The following PDYN variants were observed in gnomAD, a reference collection of about 807,000 sequenced individuals.
PDYN encodes prodynorphin, also known as proenkephalin-B.
PDYN carries 5 observed loss-of-function variants against 11.4 expected under a neutral mutation model. The observed-to-expected ratio is 0.44, with a 90% confidence interval of 0.23 to 0.92. The LOEUF (loss-of-function observed/expected upper bound fraction) is 0.92. Among genes scored for constraint, PDYN ranks in the 40% least tolerant of loss-of-function variants. The pLI is 0.24. For synonymous variants in PDYN, 132 were observed against 129.5 expected, an observed-to-expected ratio of 1.02 and a Z score of -0.13; for missense variants, 337 against 317.3, an observed-to-expected ratio of 1.06 and a Z score of -0.47.
intron 2 of PDYN, among the ~76,000 whole-genome samples, chr20:1,989,689 C>A (rs1357287490): frequency 2.0e-5 from 3 of 152,162 alleles, no homozygotes; most frequent in African/African-American, 7.2e-5. Flanking sequence ...CATATGATTA[C>A]CCCTATTTGA....
At chr20:1,987,231 A>T (rs8124319) in intron 2 of PDYN, among the ~76,000 whole-genome samples, 8,027 of 145,322 alleles carry the variant, frequency 0.055, 748 homozygotes, top group African/African-American at 0.2. Context: ...TGGAAGACTA[A>T]GGAAGTTTGA....
chr20:1,980,957 A>G lies in PDYN; in HGVS notation c.131T>C (p.Ile44Thr), dbSNP rs1987737377. ...QDGPKPINPL[I>T]CSLQCQAALL... is the part of the protein sequence containing the mutation. ...GGCAGCCTGGCATTGCAGGGAGCAA[A>G]TCTGCAAAAGACCCAAAAAGACCAC... The change falls in exon 4 of 4, where the codon ATT becomes ACT. Residue 44 changes from isoleucine to threonine, a missense_variant and splice_region_variant. Ile to Thr is a moderately conservative substitution (Grantham distance 89, BLOSUM62 -1). Transcript: ENST00000217305. 1 of 1,613,770 alleles carries G rather than the reference A, an allele frequency of 6.2e-7. No individual in the cohort carries two copies. The highest frequency in any genetic ancestry group is 1.3e-5 in the African/African-American group (1 of 74,914).
At chr20:1,982,795 G>C (rs552734014) in intron 3 of PDYN, among the ~76,000 whole-genome samples, 161 bp downstream of exon 3, 2 of 152,222 alleles carry the variant, frequency 1.3e-5, no homozygotes, top group African/African-American at 4.8e-5. Flanking sequence ...AGCAGCCCCT[G>C]GTGTCCAGGC....
At chr20:1,983,957 T>G (rs75618045) in intron 2 of PDYN, among the ~76,000 whole-genome samples, 2,745 of 152,182 alleles carry the variant, frequency 0.018, 72 homozygotes, top group African/African-American at 0.06. Context: ...GGAGAACCCT[T>G]CATCTCCTAT....
rs1213688381 is a variant in PDYN, at chr20:1,983,055, G to A, written c.30C>T (p.Ala10=). 1 of 1,613,608 alleles carries A rather than the reference G, an allele frequency of 6.2e-7. No homozygotes were observed. The highest frequency in any genetic ancestry group is 2.2e-5 in the East Asian group (1 of 44,880). Residue 10 remains alanine (A), a synonymous_variant, in exon 3 of 4, where the codon GCC becomes GCT. Transcript: ENST00000217305. ...TGGTGGAGGGGAACATGAGGAGGCA[G>A]GCAGCCAGGACCAGCCCCTGCCAGG... MAWQGLVLA[A]CLLMFPSTTA...
intron 3 of PDYN, 145 bp downstream of exon 3, chr20:1,982,811 A>T (rs1568539039): frequency 5.1e-6 from 4 of 790,236 alleles, no homozygotes; most frequent in African/African-American, 3.4e-5. Context: ...CAGGCCATCT[A>T]TAGGGCAGGA....
At chr20:1,991,127 T>C (rs1600533354) in intron 2 of PDYN, among the ~76,000 whole-genome samples, 1 of 152,076 alleles carries the variant, frequency 6.6e-6, no homozygotes, top group South Asian at 2.1e-4. Context: ...ACCGTGTGAA[T>C]CACAAACACC....
At position 1,983,025 on chromosome 20, in the gene PDYN, C is replaced by T. The variant is rs761483993; in HGVS notation, c.60G>A (p.Ala20=). The T allele has an allele frequency of 3.2e-5, 52 of 1,613,878 alleles. No homozygotes were observed. Among genetic ancestry groups the T allele is most frequent in the East Asian group, 2.0e-4 (9 of 44,892 alleles). The change falls in exon 3 of 4, where the codon GCG becomes GCA. Residue 20 remains alanine, a synonymous_variant. Coordinates refer to ENST00000217305, the MANE Select transcript of PDYN (RefSeq NM_024411.5). ...ACLLMFPSTT[A]DCLSRCSLCA... Reference sequence around the variant, plus strand: ...ACAAGGAGCACCGCGACAGGCAGTCCGCTGTGGTGGAGGGGAACATGAGGA... The same window carrying T: ...ACAAGGAGCACCGCGACAGGCAGTCTGCTGTGGTGGAGGGGAACATGAGGA...
At chr20:1,990,906 C>T (rs1366125712) in intron 2 of PDYN, among the ~76,000 whole-genome samples, 1 of 147,946 alleles carries the variant, frequency 6.8e-6, no homozygotes, top group Non-Finnish European at 1.5e-5. Context: ...GAAAAAGAGA[C>T]CGAGACACCG....
intron 3 of PDYN, among the ~76,000 whole-genome samples, chr20:1,982,347 G>T (rs535202994): frequency 6.6e-6 from 1 of 152,282 alleles, no homozygotes; most frequent in East Asian, 1.9e-4. Context: ...CTTAGAGAGG[G>T]AGTTCCAAGG....
rs920178048 is a variant in PDYN, at chr20:1,980,038, A to ACTG, written c.*282_*284dup. 77 of 488,352 alleles carry ACTG rather than the reference A, an allele frequency of 1.6e-4. No individual in the cohort carries two copies. The highest frequency in any genetic ancestry group is 7.3e-4 in the Middle Eastern group (2 of 2,750). The allele number at this position is 488,352 out of a possible 1,614,324, so 30.3% of individuals were successfully genotyped here. A position where few individuals can be genotyped will look rare whatever the true frequency, so the allele number is the denominator to read the frequency against. On this transcript the variant is annotated 3_prime_UTR_variant, in exon 4 of 4. Coordinates refer to ENST00000217305, the MANE Select transcript of PDYN (RefSeq NM_024411.5). ...AACAGGTTGGAAGGACAGATCACAAACTGCTGCTGCTGCTGCTGCTGCCGC... is the reference window on the plus strand; with the variant it reads ...AACAGGTTGGAAGGACAGATCACAAACTGCTGCTGCTGCTGCTGCTGCTGCCGC...
intron 2 of PDYN, among the ~76,000 whole-genome samples, chr20:1,984,404 C>T (rs1421889063): frequency 6.6e-6 from 1 of 152,138 alleles, no homozygotes; most frequent in Admixed American, 6.6e-5. Flanking sequence ...CTCATAGTCT[C>T]CTATCTATCT....
chr20:1,988,200 C>T (rs1255071123), intron 2 of PDYN, among the ~76,000 whole-genome samples: 2 of 152,090 alleles, frequency 1.3e-5, no homozygotes, highest in African/African-American at 4.8e-5. Flanking sequence ...CTTTTAATAT[C>T]CATTTTACAG....
At chr20:1,992,061 A>G (rs111364347) in intron 2 of PDYN, among the ~76,000 whole-genome samples, 7 of 152,350 alleles carry the variant, frequency 4.6e-5, no homozygotes, top group African/African-American at 1.4e-4. Context: ...CAGTCATGCC[A>G]GTATTTATTG....
chr20:1,984,595 C>T lies in PDYN; in HGVS notation c.-19-1492G>A, dbSNP rs558043801. 2.7e-4 allele frequency among the ~76,000 whole-genome samples: 41 copies of T among 152,278 alleles called. No homozygotes were observed. In the South Asian group the frequency reaches 6.8e-3, roughly 25 times the overall value. On this transcript the variant is annotated intron_variant, in intron 2 of 3. Transcript: ENST00000217305. ...CAGATGAATTAATGCTTCATAAATA[C>T]TCTGTTAAAAGTTGTCTGTTTTGCA...
chr20:1,980,519 G>A lies in PDYN; in HGVS notation c.569C>T (p.Ala190Val). Residue 190 changes from alanine to valine, a missense_variant, in exon 4 of 4, where the codon GCT becomes GTT. Coordinates refer to ENST00000217305, the MANE Select transcript of PDYN (RefSeq NM_024411.5). ...RKYPKRSSEV[A>V]GEGDGDSMGH... ...CATGCTATCCCCGTCCCCCTCCCCAGCCACCTCTGAGCTCCTCTTGGGGTA... is the reference window on the plus strand; with the variant it reads ...CATGCTATCCCCGTCCCCCTCCCCAACCACCTCTGAGCTCCTCTTGGGGTA... 6.2e-7 allele frequency: 1 copy of A among 1,612,904 alleles called. No individual in the cohort carries two copies. Among genetic ancestry groups the A allele is most frequent in the Non-Finnish European group, 8.5e-7 (1 of 1,179,246 alleles).
At chr20:1,992,507 C>G (rs1988494110) in intron 2 of PDYN, 77 bp downstream of exon 2, 1 of 152,314 alleles carries the variant, frequency 6.6e-6, no homozygotes, top group Non-Finnish European at 1.5e-5. Context: ...TATCACACCT[C>G]TAGCTCAGCT....
At chr20:1,989,167 CA>C (rs1988323842) in intron 2 of PDYN, among the ~76,000 whole-genome samples, 1 of 152,130 alleles carries the variant, frequency 6.6e-6, no homozygotes, top group African/African-American at 2.4e-5. Context: ...AATAATAAAA[CA>C]TTTTTTATGC....
At chr20:1,983,954 C>T (rs929014067) in intron 2 of PDYN, among the ~76,000 whole-genome samples, 1 of 152,080 alleles carries the variant, frequency 6.6e-6, no homozygotes, top group African/African-American at 2.4e-5. Flanking sequence ...CCTGGAGAAC[C>T]CTTCATCTCC....
Sources: allele counts gnomAD v4.1 joint callset (sites outside exome capture counted in the v4.1 genomes callset), GRCh38; gene constraint gnomAD v4.1.1; transcripts MANE v1.5; gene names NCBI Gene and HGNC (gene_info 2026-07-23, HGNC 2026-07-21).